The following SLCO1B3 variants were observed in gnomAD, a reference collection of about 807,000 sequenced individuals.
SLCO1B3 encodes liver-specific organic anion transporter 2.
Under a neutral mutation model 71.8 loss-of-function variants are expected in SLCO1B3, and 72 were observed. That is an observed-to-expected ratio of 1.00 (90% CI 0.83 to 1.22). The LOEUF is 1.22. SLCO1B3 is among the 50% of genes most tolerant of loss of function. The pLI is 0.00. For missense variants in SLCO1B3, 911 were observed against 819.7 expected (o/e 1.11, Z -1.36); for synonymous variants, 298 against 278.4 (o/e 1.07, Z -0.70).
chr12:20,824,587 A>G (rs755594271), intron 3 of SLCO1B3, among the ~76,000 whole-genome samples: 1 of 152,188 alleles, frequency 6.6e-6, no homozygotes, highest in Non-Finnish European at 1.5e-5. Context: ...AATTTTCCAT[A>G]ATAATCATAA....
intron 8 of SLCO1B3, among the ~76,000 whole-genome samples, chr12:20,872,484 C>T (rs1865493874): frequency 6.6e-6 from 1 of 152,034 alleles, no homozygotes; most frequent in Non-Finnish European, 1.5e-5. Context: ...TCCACCACTT[C>T]TCTTAAACAG....
rs1470093606 is a variant in SLCO1B3, at chr12:20,915,959, A to G, written c.1866-45A>G. The G allele has an allele frequency of 2.0e-6, 3 of 1,467,844 alleles. No homozygotes were observed. In the South Asian group the frequency reaches 3.9e-5, roughly 19 times the overall value. The allele number at this position is 1,467,844 out of a possible 1,614,324, so 90.9% of individuals were successfully genotyped here. A position where few individuals can be genotyped will look rare whatever the true frequency, so the allele number is the denominator to read the frequency against. On this transcript the variant is annotated intron_variant, in intron 15 of 15. Coordinates refer to ENST00000381545, the MANE Select transcript of SLCO1B3 (RefSeq NM_019844.4). ...GGGAGAAAAAAATGTAAGATATTTT[A>G]CACATTTAAAATAATAATCGACTCT...
rs1865103090 is a variant in SLCO1B3, at chr12:20,854,963, GTACCTATAAACATTATATAGT to G, written c.85-63_85-43del. 4 of 1,402,822 alleles carry G rather than the reference GTACCTATAAACATTATATAGT, an allele frequency of 2.9e-6. No homozygotes were observed. In the African/African-American group the frequency reaches 5.8e-5, roughly 20 times the overall value. 86.9% of individuals were successfully genotyped at this position (1,402,822 alleles called of 1,614,324 possible). On this transcript the variant is annotated intron_variant, in intron 3 of 15. Coordinates refer to ENST00000381545, the MANE Select transcript of SLCO1B3 (RefSeq NM_019844.4). ...AGAAGAAAAACTGTTTTAGTTCCAT[GTACCTATAAACATTATATAGT>G]TCTTTGATTAACCAATTTTCATTTT...
chr12:20,896,504 A>G (rs1444991396), intron 13 of SLCO1B3, among the ~76,000 whole-genome samples: 1 of 152,136 alleles, frequency 6.6e-6, no homozygotes, highest in East Asian at 1.9e-4. Flanking sequence ...GACAAGCATC[A>G]TCTTTGCTCC....
At chr12:20,915,251 C>A (rs913573078) in intron 15 of SLCO1B3, among the ~76,000 whole-genome samples, 7 of 151,842 alleles carry the variant, frequency 4.6e-5, no homozygotes, top group Non-Finnish European at 8.8e-5. Flanking sequence ...CTCAGCAGTG[C>A]TCTATCTAAT....
chr12:20,893,504 G>A (rs1271183323), intron 13 of SLCO1B3, among the ~76,000 whole-genome samples: 1 of 152,132 alleles, frequency 6.6e-6, no homozygotes, highest in Non-Finnish European at 1.5e-5. Flanking sequence ...TCTGGAAGTG[G>A]TAAAAATGAA....
chr12:20,851,610 TC>T (rs1484980681), intron 3 of SLCO1B3, among the ~76,000 whole-genome samples: 1 of 152,214 alleles, frequency 6.6e-6, no homozygotes. Flanking sequence ...TTTCTGCCAT[TC>T]TATAGGTTAA....
At chr12:20,834,618 C>G (rs1379471241) in intron 3 of SLCO1B3, among the ~76,000 whole-genome samples, 3 of 151,934 alleles carry the variant, frequency 2.0e-5, no homozygotes, top group African/African-American at 7.3e-5. Context: ...TCACTGTTCT[C>G]TCTGGCAAAC....
At chr12:20,914,448 T>C (rs1866451314) in intron 15 of SLCO1B3, among the ~76,000 whole-genome samples, 1 of 152,060 alleles carries the variant, frequency 6.6e-6, no homozygotes, top group Non-Finnish European at 1.5e-5. Context: ...ATTGCTGTCA[T>C]TTACTCCACT....
At chr12:20,833,447 CAT>C (rs901886522) in intron 3 of SLCO1B3, among the ~76,000 whole-genome samples, 7 of 149,004 alleles carry the variant, frequency 4.7e-5, no homozygotes, top group African/African-American at 7.4e-5. Context: ...TATATACACA[CAT>C]ATATAGTTTG....
intron 3 of SLCO1B3, among the ~76,000 whole-genome samples, chr12:20,853,520 AT>A (rs1865065121): frequency 6.6e-6 from 1 of 151,974 alleles, no homozygotes; most frequent in African/African-American, 2.4e-5. Flanking sequence ...TTGGCTTATA[AT>A]TGTTCATAGT....
chr12:20,889,218 T>C (rs753228464), intron 13 of SLCO1B3, among the ~76,000 whole-genome samples: 7 of 151,940 alleles, frequency 4.6e-5, no homozygotes, highest in Non-Finnish European at 5.9e-5. Flanking sequence ...CTTCATAGAA[T>C]TAGTTGAAGA....
chr12:20,816,577 CT>C (rs1293435425), intron 3 of SLCO1B3, among the ~76,000 whole-genome samples: 1 of 152,010 alleles, frequency 6.6e-6, no homozygotes, highest in Non-Finnish European at 1.5e-5. Context: ...ATATGTCCCA[CT>C]TTTTTTTACG....
intron 15 of SLCO1B3, among the ~76,000 whole-genome samples, chr12:20,915,641 G>C (rs1384502083): frequency 6.6e-6 from 1 of 152,108 alleles, no homozygotes; most frequent in East Asian, 1.9e-4. Flanking sequence ...CTATGATAAG[G>C]CCTCAATCTT....
chr12:20,901,450 T>A lies in SLCO1B3; in HGVS notation c.1848T>A (p.Tyr616Ter), dbSNP rs778282307. 3 of 1,537,500 alleles carry A rather than the reference T, an allele frequency of 2.0e-6. No homozygotes were observed. The Admixed American group carries it at 7.0e-5, about 36-fold the overall frequency. Reference protein sequence around the residue: ...SCGAQGACRIYNSVFFGRVYL... With the variant: ...SCGAQGACRI Reference sequence around the variant, plus strand: ...GAGCACAAGGGGCTTGTAGGATATATAATTCCGTATTTTTTGGGTAAGTTG... The same window carrying A: ...GAGCACAAGGGGCTTGTAGGATATAAAATTCCGTATTTTTTGGGTAAGTTG... The change falls in exon 15 of 16, where the codon TAT (tyrosine) becomes TAA (stop). Residue 616 changes from tyrosine (Y) to a stop codon, truncating the protein, a stop_gained. Transcript: ENST00000381545. LOFTEE classifies it high-confidence loss of function.
chr12:20,865,332 G>A (rs1228649190), intron 8 of SLCO1B3, among the ~76,000 whole-genome samples: 1 of 151,992 alleles, frequency 6.6e-6, no homozygotes, highest in Non-Finnish European at 1.5e-5. Flanking sequence ...GTCCATACTA[G>A]CAAATAATAT....
At chr12:20,893,644 A>T (rs1475179061) in intron 13 of SLCO1B3, among the ~76,000 whole-genome samples, 1 of 152,198 alleles carries the variant, frequency 6.6e-6, no homozygotes, top group Non-Finnish European at 1.5e-5. Flanking sequence ...AGAAAGTGAA[A>T]GGGCTACAAA....
chr12:20,885,013 A>G (rs556667632), intron 13 of SLCO1B3, among the ~76,000 whole-genome samples: 10 of 152,146 alleles, frequency 6.6e-5, no homozygotes, highest in Non-Finnish European at 1.3e-4. Flanking sequence ...TCATAATTTC[A>G]TACTAGTTTG....
At chr12:20,880,178 CATAAT>C (rs1390801549) in intron 11 of SLCO1B3, among the ~76,000 whole-genome samples, 3 of 150,906 alleles carry the variant, frequency 2.0e-5, no homozygotes, top group Non-Finnish European at 3.0e-5. Context: ...TAATTTTAGT[CATAAT>C]ATAAAATTAT....
Sources: gnomAD v4.1 joint callset for allele counts (sites outside exome capture counted in the v4.1 genomes callset) on GRCh38, gnomAD v4.1.1 for gene constraint, MANE v1.5 for transcripts, NCBI Gene and HGNC (gene_info 2026-07-23, HGNC 2026-07-21) for gene names.